The following CARMIL1 variants were observed in gnomAD, a reference collection of about 807,000 sequenced individuals.
CARMIL1 encodes F-actin-uncapping protein LRRC16A.
CARMIL1 carries 90 observed loss-of-function variants against 177.1 expected under a neutral mutation model. The ratio of observed to expected loss-of-function variants is 0.51; its 90% CI spans 0.43 to 0.61. The LOEUF (loss-of-function observed/expected upper bound fraction) is 0.61. Ranked by LOEUF, CARMIL1 falls within the 20% of genes least tolerant of loss-of-function variation. CARMIL1 has a pLI of 0.00. For missense variants in CARMIL1, 1,380 were observed against 1,667.0 expected (o/e 0.83, Z 3.00); for synonymous variants, 577 against 606.2 (o/e 0.95, Z 0.71).
At position 25,512,140 on chromosome 6, in the gene CARMIL1, T is replaced by A. The variant is rs376585825; in HGVS notation, c.1632+1378T>A. On this transcript the variant is annotated intron_variant, in intron 20 of 36. Coordinates refer to ENST00000329474, the MANE Select transcript of CARMIL1 (RefSeq NM_017640.6). ...ATTATACTTAAAATTCACCCCAAGA[T>A]GTTTTTTTCTTAACACATACTTTAG... is the stretch of plus-strand genomic sequence containing the variant. Among the ~76,000 whole-genome samples, 11 of 152,296 alleles carry A rather than the reference T, an allele frequency of 7.2e-5. No homozygotes were observed. The East Asian group carries it at 1.9e-3, about 27-fold the overall frequency.
At chr6:25,444,214 A>G (rs1389359708) in intron 5 of CARMIL1, among the ~76,000 whole-genome samples, 2 of 152,162 alleles carry the variant, frequency 1.3e-5, no homozygotes, top group Non-Finnish European at 2.9e-5. Context: ...TTTTACTCAC[A>G]GTAGAACTTG....
In CARMIL1 at chr6:25,577,495, T is replaced by C. The variant is rs1812706897; in HGVS notation, c.2743-3429T>C. On this transcript the variant is annotated intron_variant, in intron 29 of 36. Transcript: ENST00000329474. This position sits in a 1 kb window ranked among gnomAD's most constrained non-coding sequence, Gnocchi z 4.5. ...CCTTGGTGGTGGGGGGAAGTAATTA[T>C]GGATTCTTGAACTTGGAGTGAGAGT... Among the ~76,000 whole-genome samples, 2 of 152,054 alleles carry C rather than the reference T, an allele frequency of 1.3e-5. No individual in the cohort carries two copies. Among genetic ancestry groups the C allele is most frequent in the African/African-American group, 2.4e-5 (1 of 41,372 alleles).
chr6:25,362,448 G>A (rs1789316534), intron 2 of CARMIL1, among the ~76,000 whole-genome samples: 1 of 152,212 alleles, frequency 6.6e-6, no homozygotes, highest in African/African-American at 2.4e-5. Context: ...GCCGAGGTGG[G>A]TGGATCACCT....
intron 11 of CARMIL1, among the ~76,000 whole-genome samples, chr6:25,481,644 G>T (rs1802131695): frequency 6.6e-6 from 1 of 152,160 alleles, no homozygotes; most frequent in Non-Finnish European, 1.5e-5. Flanking sequence ...GTGAGCTGGT[G>T]TTCCCAATCT....
Position 25,482,241 on chromosome 6 carries a change from C to T in CARMIL1, c.875-16C>T. ...GAGAACTTGAAAATTCTAATCGCTT[C>T]TTTTTCCTTTCTCAGGTGTGTCCTC... On this transcript the variant is annotated splice_polypyrimidine_tract_variant and intron_variant, in intron 11 of 36. Coordinates refer to ENST00000329474, the MANE Select transcript of CARMIL1 (RefSeq NM_017640.6). 1 of 1,381,708 alleles carries T rather than the reference C, an allele frequency of 7.2e-7. No individual in the cohort carries two copies. 85.6% of individuals were successfully genotyped at this position (1,381,708 alleles called of 1,614,324 possible).
At chr6:25,404,924 C>G (rs1794232595) in intron 2 of CARMIL1, among the ~76,000 whole-genome samples, 1 of 152,078 alleles carries the variant, frequency 6.6e-6, no homozygotes, top group Non-Finnish European at 1.5e-5. Context: ...TTTGTTGGTT[C>G]CCACTGAGGC....
intron 31 of CARMIL1, among the ~76,000 whole-genome samples, chr6:25,584,908 C>T (rs1289502709): frequency 1.3e-5 from 2 of 152,178 alleles, no homozygotes; most frequent in African/African-American, 4.8e-5. Context: ...TCAATCTGTT[C>T]TAGAGAGATT....
At position 25,502,290 on chromosome 6, in the gene CARMIL1, G is replaced by A. The variant is rs567135146; in HGVS notation, c.1395+2055G>A. Among the ~76,000 whole-genome samples the A allele has an allele frequency of 4.6e-5, 7 of 151,606 alleles. No homozygotes were observed. The South Asian group carries it at 8.3e-4, about 18-fold the overall frequency. The stretch of plus-strand genomic sequence containing the variant: ...AAAAAAAAAACACCAGGCTGGGCGC[G>A]GTCAATGCCTGTAATCCCAGCACTT... On this transcript the variant is annotated intron_variant, in intron 17 of 36. Coordinates refer to ENST00000329474, the MANE Select transcript of CARMIL1 (RefSeq NM_017640.6).
At chr6:25,441,561 C>T (rs1797789994) in intron 5 of CARMIL1, among the ~76,000 whole-genome samples, 1 of 151,796 alleles carries the variant, frequency 6.6e-6, no homozygotes, top group Admixed American at 6.6e-5. Context: ...ACATTTTCTC[C>T]TCATTAAATA....
chr6:25,486,716 T>C (rs1399432023), intron 12 of CARMIL1, among the ~76,000 whole-genome samples: 1 of 152,198 alleles, frequency 6.6e-6, no homozygotes, highest in Non-Finnish European at 1.5e-5. Context: ...GCCAAGCTTT[T>C]GTTCTTGCCC....
intron 11 of CARMIL1, among the ~76,000 whole-genome samples, chr6:25,473,105 T>C (rs997542108): frequency 1.3e-5 from 2 of 152,178 alleles, no homozygotes; most frequent in African/African-American, 4.8e-5. Flanking sequence ...CCCCCCTATC[T>C]CACAACACAG....
Position 25,619,622 on chromosome 6 carries a change from T to G in CARMIL1, c.*39T>G, listed in dbSNP as rs756840337. On this transcript the variant is annotated 3_prime_UTR_variant, in exon 37 of 37. Coordinates refer to ENST00000329474, the MANE Select transcript of CARMIL1 (RefSeq NM_017640.6). ...AGAAGTCTTCCTGTGCAGGGTGCTT[T>G]GGTAGCCATCAGAGAGGAACCAAGG... 1.3e-6 allele frequency: 2 copies of G among 1,594,924 alleles called. No individual in the cohort carries two copies. The highest frequency in any genetic ancestry group is 1.7e-5 in the Admixed American group (1 of 57,516).
intron 29 of CARMIL1, among the ~76,000 whole-genome samples, chr6:25,562,502 C>T (rs1811214486): frequency 6.6e-6 from 1 of 152,202 alleles, no homozygotes; most frequent in African/African-American, 2.4e-5. Context: ...CTGCCTTGGC[C>T]TCCCAAAGTG....
chr6:25,291,089 G>A (rs975132300), intron 2 of CARMIL1, among the ~76,000 whole-genome samples: 9 of 152,150 alleles, frequency 5.9e-5, no homozygotes, highest in Non-Finnish European at 1.0e-4. Flanking sequence ...TGGGATTATA[G>A]GCATGAGCCA....
intron 23 of CARMIL1, among the ~76,000 whole-genome samples, chr6:25,523,050 T>C (rs1806730894): frequency 1.3e-5 from 2 of 152,160 alleles, no homozygotes; most frequent in South Asian, 4.1e-4. Context: ...CCTCCTGCCT[T>C]GGCCTCCCAA....
chr6:25,515,355 T>G lies in CARMIL1; in HGVS notation c.1633-320T>G, dbSNP rs1805874472. Among the ~76,000 whole-genome samples, 1 of 120,264 alleles carries G rather than the reference T, an allele frequency of 8.3e-6. No homozygotes were observed. The highest frequency in any genetic ancestry group is 1.8e-5 in the Non-Finnish European group (1 of 55,708). 78.9% of individuals were successfully genotyped at this position (120,264 alleles called of 152,430 possible). A position where few individuals can be genotyped will look rare whatever the true frequency, so the allele number is the denominator to read the frequency against. ...AGGGTGATCATATTAAGCTGAGAAA[T>G]TTTTGTTATGTTTTTATTTATTTCA... On this transcript the variant is annotated intron_variant, in intron 20 of 36. Coordinates refer to ENST00000329474, the MANE Select transcript of CARMIL1 (RefSeq NM_017640.6). This position sits in a 1 kb window ranked among gnomAD's most constrained non-coding sequence, Gnocchi z 5.0.
intron 24 of CARMIL1, among the ~76,000 whole-genome samples, chr6:25,531,288 C>G (rs1395639608): frequency 6.6e-6 from 1 of 151,316 alleles, no homozygotes; most frequent in African/African-American, 2.4e-5. Context: ...GCATTATTTT[C>G]TTACCTTGTT....
intron 11 of CARMIL1, among the ~76,000 whole-genome samples, chr6:25,480,184 T>A (rs1801952491): frequency 6.6e-6 from 1 of 152,118 alleles, no homozygotes; most frequent in African/African-American, 2.4e-5. Flanking sequence ...TATATCTTTT[T>A]TCATTATGAT....
At chr6:25,490,141 C>G (rs368696887) in intron 13 of CARMIL1, among the ~76,000 whole-genome samples, 1 of 152,174 alleles carries the variant, frequency 6.6e-6, no homozygotes, top group Non-Finnish European at 1.5e-5. Context: ...AGGAGCCTGG[C>G]GGCAGGTGCA....
Sources: allele counts gnomAD v4.1 joint callset (sites outside exome capture counted in the v4.1 genomes callset), GRCh38; gene constraint gnomAD v4.1.1; non-coding constraint Gnocchi (gnomAD v3.1); transcripts MANE v1.5; gene names NCBI Gene and HGNC (gene_info 2026-07-23, HGNC 2026-07-21).